The following KLK6 variants were observed in gnomAD, a reference collection of about 807,000 sequenced individuals.
KLK6 encodes kallikrein related peptidase 6.
KLK6 carries 16 observed loss-of-function variants against 21.7 expected under a neutral mutation model. The ratio of observed to expected loss-of-function variants is 0.74; its 90% CI spans 0.50 to 1.12. KLK6 has a LOEUF of 1.12. Among genes scored for constraint, KLK6 ranks in the 50% most tolerant of loss-of-function variants. KLK6 has a pLI of 0.00. For missense variants in KLK6, 276 were observed against 304.6 expected, an observed-to-expected ratio of 0.91 and a Z score of 0.70; for synonymous variants, 116 against 120.1, an observed-to-expected ratio of 0.97 and a Z score of 0.22.
At chr19:50,966,787 C>T (rs60850416) in intron 4 of KLK6, among the ~76,000 whole-genome samples, 7,312 of 152,120 alleles carry the variant, frequency 0.048, 318 homozygotes, top group East Asian at 0.24. Flanking sequence ...GGTGACAGAG[C>T]GAGACTGTGT....
rs1330430133 is a variant in KLK6, at chr19:50,965,474, CAG to C, written c.197+1693_197+1694del. On this transcript the variant is annotated intron_variant, in intron 4 of 6. Transcript: ENST00000310157. ...TAATTTTTTGTATTTTCAGTAGAGA[CAG>C]GGTTGAGCCATGTTGGCCAAGCTGG... Among the ~76,000 whole-genome samples the C allele has an allele frequency of 5.9e-5, 9 of 151,476 alleles. No individual in the cohort carries two copies. The East Asian group carries it at 1.8e-3, about 30-fold the overall frequency.
Position 50,967,199 on chromosome 19 carries a change from C to T in KLK6, c.167G>A (p.Trp56Ter), listed in dbSNP as rs1476557827. The T allele has an allele frequency of 3.1e-6, 5 of 1,614,068 alleles. No homozygotes were observed. Among genetic ancestry groups the T allele is most frequent in the Admixed American group, 3.3e-5 (2 of 59,998 alleles). ...LCGGVLIHPL[W>*]VLTAAHCKKP... ...TTTGCAGTGGGCAGCTGTGAGGACC[C>T]ACAGTGGATGGATAAGGACCCCACC... Residue 56 changes from tryptophan to a stop codon, truncating the protein, a stop_gained, in exon 4 of 7, where the codon TGG (tryptophan) becomes TAG (stop). Transcript: ENST00000310157. LOFTEE classifies it high-confidence loss of function.
chr19:50,965,466 A>G (rs1419920628), intron 4 of KLK6, among the ~76,000 whole-genome samples: 2 of 150,808 alleles, frequency 1.3e-5, no homozygotes, highest in African/African-American at 4.9e-5. Context: ...TTGTATTTTC[A>G]GTAGAGACAG....
At chr19:50,960,668 C>G (rs2090827205) in intron 6 of KLK6, among the ~76,000 whole-genome samples, 1 of 152,202 alleles carries the variant, frequency 6.6e-6, no homozygotes, top group Non-Finnish European at 1.5e-5. Context: ...TCTCAGCTCA[C>G]TGCAGCCTCT....
At chr19:50,963,582 G>T (rs1285698741) in intron 4 of KLK6, 33 bp from the exon 5 acceptor site, 1 of 1,608,520 alleles carries the variant, frequency 6.2e-7, no homozygotes, top group East Asian at 2.2e-5. Flanking sequence ...CTCACCTGGA[G>T]CCCTTGGGCT....
Position 50,967,291 on chromosome 19 carries a change from G to GC in KLK6, c.74dup (p.Gly26ArgfsTer51). ...GGTGAGATGTCTTGTCGCAGGGTCCGCCATGCACCAACTTATTCTGCTCCT... is the reference window on the plus strand; with the variant it reads ...GGTGAGATGTCTTGTCGCAGGGTCCGCCCATGCACCAACTTATTCTGCTCCT... On this transcript the variant is annotated frameshift_variant, in exon 4 of 7. Transcript: ENST00000310157. LOFTEE classifies it high-confidence loss of function. The GC allele has an allele frequency of 6.2e-7, 1 of 1,613,042 alleles. No individual in the cohort carries two copies. Among genetic ancestry groups the GC allele is most frequent in the Non-Finnish European group, 8.5e-7 (1 of 1,179,380 alleles).
chr19:50,960,285 C>T (rs1409195440), intron 6 of KLK6, among the ~76,000 whole-genome samples: 1 of 151,982 alleles, frequency 6.6e-6, no homozygotes, highest in South Asian at 2.1e-4. Context: ...CCTTTCTTTG[C>T]GTCCAACTTG....
Position 50,963,363 on chromosome 19 carries a change from C to T in KLK6, c.384G>A (p.Glu128=). The T allele has an allele frequency of 1.2e-6, 2 of 1,614,210 alleles. No individual in the cohort carries two copies. The highest frequency in any genetic ancestry group is 2.2e-5 in the East Asian group (1 of 44,886). ...LSELIQPLPL[E]RDCSANTTSC... ...TGGTGGTGTTGGCTGAGCAGTCCCT[C>T]TCCAGGGGAAGGGGCTGGATGAGTT... The change falls in exon 5 of 7, where the codon GAG becomes GAA. Residue 128 remains glutamate (E), a synonymous_variant. Coordinates refer to ENST00000310157, the MANE Select transcript of KLK6 (RefSeq NM_002774.4).
At position 50,958,974 on chromosome 19, in the gene KLK6, G is replaced by A. The variant is rs189504082; in HGVS notation, c.*190C>T. 4.0e-3 allele frequency: 2,570 copies of A among 638,092 alleles called. 5 individuals are homozygous for A. Among genetic ancestry groups the A allele is most frequent in the Middle Eastern group, 0.012 (27 of 2,282 alleles). The allele number at this position is 638,092 out of a possible 1,614,324, so 39.5% of individuals were successfully genotyped here. A position where few individuals can be genotyped will look rare whatever the true frequency, so the allele number is the denominator to read the frequency against. Reference sequence around the variant, plus strand: ...GAGGACCCAAGTCCTCACTCATCACGTCCTCCCCAGTGATGCAAGGATGGA... The same window carrying A: ...GAGGACCCAAGTCCTCACTCATCACATCCTCCCCAGTGATGCAAGGATGGA... On this transcript the variant is annotated 3_prime_UTR_variant, in exon 7 of 7. Coordinates refer to ENST00000310157, the MANE Select transcript of KLK6 (RefSeq NM_002774.4).
chr19:50,966,965 CT>C (rs1292525290), intron 4 of KLK6, among the ~76,000 whole-genome samples: 2 of 151,638 alleles, frequency 1.3e-5, no homozygotes, highest in Non-Finnish European at 2.9e-5. Context: ...TTTTTGTTTT[CT>C]TTTTTTTATT....
Position 50,961,771 on chromosome 19 carries a change from A to AT in KLK6, c.554dup (p.Asp185GlufsTer2). 1 of 1,613,890 alleles carries AT rather than the reference A, an allele frequency of 6.2e-7. No individual in the cohort carries two copies. Among genetic ancestry groups the AT allele is most frequent in the Non-Finnish European group, 8.5e-7 (1 of 1,179,890 alleles). On this transcript the variant is annotated frameshift_variant, in exon 6 of 7. Transcript: ENST00000310157. LOFTEE classifies it low-confidence loss of function (END_TRUNC). ...GGCAGGAATCCTTCCCGTACTTCTC[A>AT]TCCCCAGCACACAACATGTTCTGGG...
At chr19:50,967,423 C>T (rs1396761958) in intron 3 of KLK6, 98 bp from the exon 4 acceptor site, 5 of 1,206,974 alleles carry the variant, frequency 4.1e-6, no homozygotes, top group Middle Eastern at 2.7e-4. Context: ...GGTGCAGTGG[C>T]TTATGCCTGT....
intron 3 of KLK6, among the ~76,000 whole-genome samples, chr19:50,967,677 C>A (rs2090949089): frequency 6.7e-6 from 1 of 149,946 alleles, no homozygotes; most frequent in Admixed American, 6.7e-5. Context: ...TACACTCCAG[C>A]CTGGGTGACA....
At position 50,963,519 on chromosome 19, in the gene KLK6, G is replaced by A. The variant is rs760914557; in HGVS notation, c.228C>T (p.Asn76=). The A allele has an allele frequency of 1.7e-5, 28 of 1,614,140 alleles. No homozygotes were observed. Among genetic ancestry groups the A allele is most frequent in the Non-Finnish European group, 2.4e-5 (28 of 1,180,028 alleles). Residue 76 remains asparagine (N), a synonymous_variant, in exon 5 of 7, where the codon AAC becomes AAT. Transcript: ENST00000310157. ...CCTGGGAACTCTCCCTTTGCCGAAG[G>A]TTATGCTTCCCCAGGAAGACCTGAA... is the stretch of plus-strand genomic sequence containing the variant. ...PNLQVFLGKH[N]LRQRESSQEQ... is the part of the protein sequence containing the mutation.
chr19:50,960,084 G>A (rs1433624358), intron 6 of KLK6, among the ~76,000 whole-genome samples: 1 of 72,404 alleles, frequency 1.4e-5, no homozygotes, highest in African/African-American at 6.6e-5. Context: ...GGGAGGAGGA[G>A]GGGGAGGAGG....
intron 5 of KLK6, 63 bp downstream of exon 5, chr19:50,963,239 A>T (rs1292942333): frequency 6.4e-7 from 1 of 1,566,622 alleles, no homozygotes; most frequent in Non-Finnish European, 8.7e-7. Context: ...CCCACTCCCC[A>T]TCCTTTGGCA....
chr19:50,966,154 C>A (rs111826434), intron 4 of KLK6, among the ~76,000 whole-genome samples: 53 of 152,302 alleles, frequency 3.5e-4, no homozygotes, highest in African/African-American at 1.2e-3. Flanking sequence ...TCCAACTCAT[C>A]GTGGCTAAAG....
intron 6 of KLK6, 77 bp from the exon 7 acceptor site, chr19:50,959,393 G>A: frequency 1.6e-6 from 2 of 1,213,680 alleles, no homozygotes; most frequent in Non-Finnish European, 2.3e-6. Context: ...GTGTGTGTGT[G>A]TGTGTGTGTG....
chr19:50,969,304 A>G (rs889993545), intron 1 of KLK6, among the ~76,000 whole-genome samples, 186 bp downstream of exon 1: 1 of 151,918 alleles, frequency 6.6e-6, no homozygotes, highest in Admixed American at 6.6e-5. Context: ...CGGGTTTTGG[A>G]GAAAGAAAGT....
Sources: gnomAD v4.1 joint callset for allele counts (sites outside exome capture counted in the v4.1 genomes callset) on GRCh38, gnomAD v4.1.1 for gene constraint, MANE v1.5 for transcripts, NCBI Gene and HGNC (gene_info 2026-07-23, HGNC 2026-07-21) for gene names.